CCNG1: variants seen among roughly 807,000 people sequenced by gnomAD.
The protein encoded by CCNG1 is cyclin-G1.
A neutral mutation model predicts 30.0 loss-of-function variants in CCNG1; 13 were observed. The ratio of observed to expected loss-of-function variants is 0.43; its 90% CI spans 0.28 to 0.69. The LOEUF (loss-of-function observed/expected upper bound fraction) is 0.69, where lower values mean the gene tolerates loss of function less well. CCNG1 is among the 30% of genes least tolerant of loss of function. CCNG1 has a pLI of 0.16. For synonymous variants in CCNG1, 110 were observed against 121.5 expected (o/e 0.91, Z 0.62); for missense variants, 285 against 331.4 (o/e 0.86, Z 1.09).
chr5:163,442,206 C>A, intron 5 of CCNG1, 63 bp downstream of exon 5: 1 of 1,190,670 alleles, frequency 8.4e-7, no homozygotes, highest in Non-Finnish European at 1.2e-6. Flanking sequence ...CCCCTTCTAT[C>A]TCCTGAAGTA....
downstream of CCNG1, chr5:163,446,839 A>AC (rs1758049041): frequency 6.6e-6 from 1 of 152,148 alleles, no homozygotes; most frequent in Admixed American, 6.5e-5. Flanking sequence ...ACATGGTGAA[A>AC]CCCCATCTCT....
At chr5:163,446,911 A>T (rs1758050986), downstream of CCNG1, 1 of 152,216 alleles carries the variant, frequency 6.6e-6, no homozygotes, top group African/African-American at 2.4e-5. Flanking sequence ...GTTACTCCAG[A>T]GACTGAGGCA....
the CCNG1 span, chr5:163,452,211 T>G: frequency 1.3e-5 from 2 of 152,078 alleles, no homozygotes; most frequent in Admixed American, 6.6e-5. Flanking sequence ...GATGCAGAAA[T>G]ATAGATGTAA....
At chr5:163,457,214 C>G in the CCNG1 span, 1 of 908,470 alleles carries the variant, frequency 1.1e-6, no homozygotes, top group Non-Finnish European at 1.6e-6. Context: ...TCACTGAAAC[C>G]TCCGCCCCCC....
chr5:163,457,519 A>C, the CCNG1 span: 1 of 1,154,292 alleles, frequency 8.7e-7, no homozygotes, highest in Non-Finnish European at 1.3e-6. Context: ...AGATATCAAG[A>C]CAAAATTATT....
chr5:163,457,340 C>T, the CCNG1 span, among the ~76,000 whole-genome samples: 3 of 152,070 alleles, frequency 2.0e-5, no homozygotes, highest in African/African-American at 7.2e-5. Context: ...CCATGTTGGC[C>T]AGGGTGGTCT....
chr5:163,450,368 T>A (rs1054793210), downstream of CCNG1: 1 of 152,128 alleles, frequency 6.6e-6, no homozygotes, highest in African/African-American at 2.4e-5. Context: ...TCATCAAAAT[T>A]AAGTCTGTGC....
At position 163,439,519 on chromosome 5, in the gene CCNG1, A is replaced by C; in HGVS notation, c.263A>C (p.Lys88Thr). ...CTGGACAGATTCCTGTCTAAAATGAAGGTATGTTTGAAGCTACATTTTTGT... is the reference window on the plus strand; with the variant it reads ...CTGGACAGATTCCTGTCTAAAATGACGGTATGTTTGAAGCTACATTTTTGT... ...NLLDRFLSKMKVQPKHLGCVG... is the reference protein window; with the variant it reads ...NLLDRFLSKMTVQPKHLGCVG... The change falls in exon 2 of 7, where the codon AAG becomes ACG. Residue 88 changes from lysine (K) to threonine (T), a missense_variant and splice_region_variant. By Grantham distance (78) the Lys-to-Thr change is moderately conservative. Coordinates refer to ENST00000340828, the MANE Select transcript of CCNG1 (RefSeq NM_004060.4). The C allele has an allele frequency of 6.2e-7, 1 of 1,610,786 alleles. No homozygotes were observed. The highest frequency in any genetic ancestry group is 1.1e-5 in the South Asian group (1 of 90,778).
At chr5:163,455,801 G>A in the CCNG1 span, among the ~76,000 whole-genome samples, 1 of 151,576 alleles carries the variant, frequency 6.6e-6, no homozygotes, top group African/African-American at 2.4e-5. Context: ...GAGTAAAAGT[G>A]AGAAGACCAA....
chr5:163,456,132 T>C, the CCNG1 span, among the ~76,000 whole-genome samples: 1 of 152,156 alleles, frequency 6.6e-6, no homozygotes, highest in Non-Finnish European at 1.5e-5. Context: ...AGATGTTGAA[T>C]AGGCAACCGG....
downstream of CCNG1, chr5:163,449,844 C>G (rs899680899): frequency 5.9e-5 from 9 of 152,136 alleles, no homozygotes; most frequent in African/African-American, 2.2e-4. Flanking sequence ...TTTAAAACAA[C>G]TGAACATCCA....
the CCNG1 span, chr5:163,457,428 A>T: frequency 7.7e-6 from 5 of 646,426 alleles, 1 homozygote; most frequent in South Asian, 1.0e-4. Flanking sequence ...TAACTTTGAC[A>T]TACAACGGTT....
intron 2 of CCNG1, among the ~76,000 whole-genome samples, chr5:163,440,259 CT>C (rs1035615335): frequency 6.6e-6 from 1 of 152,116 alleles, no homozygotes; most frequent in Non-Finnish European, 1.5e-5. Flanking sequence ...TAATTAAGCT[CT>C]TTAGACATTT....
chr5:163,446,338 T>A (rs1214809838), downstream of CCNG1, among the ~76,000 whole-genome samples: 1 of 152,186 alleles, frequency 6.6e-6, no homozygotes, highest in East Asian at 1.9e-4. Flanking sequence ...TAAAATCCTC[T>A]CAACTGAATG....
chr5:163,441,082 A>C lies in CCNG1; in HGVS notation c.269A>C (p.Gln90Pro). The C allele has an allele frequency of 6.2e-7, 1 of 1,610,756 alleles. No homozygotes were observed. Among genetic ancestry groups the C allele is most frequent in the Non-Finnish European group, 8.5e-7 (1 of 1,178,774 alleles). Residue 90 changes from glutamine (Q) to proline (P), a missense_variant, in exon 3 of 7, where the codon CAG (glutamine) becomes CCG (proline). Coordinates refer to ENST00000340828, the MANE Select transcript of CCNG1 (RefSeq NM_004060.4). Reference sequence around the variant, plus strand: ...GTTTTGTTTTTGATTTTTTAGGTACAGCCCAAGCACCTTGGGTGTGTTGGA... The same window carrying C: ...GTTTTGTTTTTGATTTTTTAGGTACCGCCCAAGCACCTTGGGTGTGTTGGA... ...LDRFLSKMKV[Q>P]PKHLGCVGLS... is the part of the protein sequence containing the mutation.
At chr5:163,455,450 G>A in the CCNG1 span, among the ~76,000 whole-genome samples, 10 of 152,202 alleles carry the variant, frequency 6.6e-5, no homozygotes, top group Admixed American at 2.0e-4. Flanking sequence ...GTGGCATGAT[G>A]TGACTTGGAT....
chr5:163,457,625 T>A, the CCNG1 span: 1 of 1,507,206 alleles, frequency 6.6e-7, no homozygotes, highest in Non-Finnish European at 9.2e-7. Context: ...AAAATAAACA[T>A]ATAAGGTGCT....
intron 1 of CCNG1, among the ~76,000 whole-genome samples, chr5:163,438,896 C>T (rs1757639419): frequency 6.6e-6 from 1 of 152,052 alleles, no homozygotes; most frequent in Admixed American, 6.5e-5. Context: ...CGCGGTGGCG[C>T]ATGCCTGTAA....
chr5:163,448,357 G>A (rs1437044465), downstream of CCNG1: 2 of 151,906 alleles, frequency 1.3e-5, no homozygotes, highest in Non-Finnish European at 2.9e-5. Context: ...CCAATCTTAG[G>A]AATCAAAGAA....
Sources: gnomAD v4.1 joint callset for allele counts (sites outside exome capture counted in the v4.1 genomes callset) on GRCh38, gnomAD v4.1.1 for gene constraint, MANE v1.5 for transcripts, NCBI Gene and HGNC (gene_info 2026-07-23, HGNC 2026-07-21) for gene names.